Variants in DYTN observed in about 807,000 individuals in gnomAD.
The protein encoded by DYTN is dystrotelin.
Under a neutral mutation model 69.6 loss-of-function variants are expected in DYTN, and 75 were observed. The ratio of observed to expected loss-of-function variants is 1.08; its 90% CI spans 0.89 to 1.31. The LOEUF is 1.31. Among genes scored for constraint, DYTN ranks in the 50% most tolerant of loss-of-function variants. The pLI, the probability that DYTN is intolerant of heterozygous loss-of-function variation, is 0.00. For missense variants in DYTN, 726 were observed against 688.4 expected (o/e 1.05, Z -0.61); for synonymous variants, 252 against 249.1 (o/e 1.01, Z -0.11).
rs1171082525 is a variant in DYTN, at chr2:206,651,901, T to C, written c.1654A>G (p.Met552Val). ...TPSGPESSVN[M>V]DLYSGAQRVC... is the part of the protein sequence containing the mutation. ...CGCTGAGCTCCACTGTACAGGTCCA[T>C]GTTTACTGAAGACTCCGGGCCTGAA... is the stretch of plus-strand genomic sequence containing the variant. Residue 552 changes from methionine (M) to valine (V), a missense_variant, in exon 12 of 12, where the codon ATG (methionine) becomes GTG (valine). Met to Val is a conservative substitution (Grantham distance 21, BLOSUM62 1). Transcript: ENST00000452335. 1.2e-6 allele frequency: 2 copies of C among 1,613,028 alleles called. No individual in the cohort carries two copies. The highest frequency in any genetic ancestry group is 1.7e-5 in the Admixed American group (1 of 59,880).
intron 9 of DYTN, chr2:206,687,006 G>T: frequency 6.3e-6 from 1 of 158,008 alleles, no homozygotes; most frequent in African/African-American, 2.4e-5. Context: ...AACAGAGACT[G>T]CCTCATGTCA....
At chr2:206,704,555 G>A (rs1466119685) in intron 5 of DYTN, among the ~76,000 whole-genome samples, 1 of 152,188 alleles carries the variant, frequency 6.6e-6, no homozygotes, top group Non-Finnish European at 1.5e-5. Context: ...CAACTCTAGA[G>A]AGAGTAAAGT....
chr2:206,705,883 A>G lies in DYTN; in HGVS notation c.297-10T>C, dbSNP rs1351373879. The G allele has an allele frequency of 1.9e-6, 3 of 1,613,116 alleles. No individual in the cohort carries two copies. Among genetic ancestry groups the G allele is most frequent in the Non-Finnish European group, 2.5e-6 (3 of 1,179,594 alleles). ...AAAACCTGTTCCTTTGCTGCACAGT[A>G]ACAAAATACAGAGACAAGAATGGGA... On this transcript the variant is annotated splice_polypyrimidine_tract_variant and intron_variant, in intron 3 of 11. Coordinates refer to ENST00000452335, the MANE Select transcript of DYTN (RefSeq NM_001093730.1).
intron 9 of DYTN, among the ~76,000 whole-genome samples, chr2:206,691,727 A>G (rs1699865406): frequency 6.6e-6 from 1 of 152,226 alleles, no homozygotes; most frequent in East Asian, 1.9e-4. Flanking sequence ...GATAGCATCT[A>G]ATTGTGAGGT....
At position 206,704,904 on chromosome 2, in the gene DYTN, T is replaced by C. The variant is rs1335721253; in HGVS notation, c.422A>G (p.Tyr141Cys). 1 of 1,613,770 alleles carries C rather than the reference T, an allele frequency of 6.2e-7. No individual in the cohort carries two copies. Among genetic ancestry groups the C allele is most frequent in the African/African-American group, 1.3e-5 (1 of 74,934 alleles). ...QLYAENSRGGYDSGPRMTRRV... is the reference protein window; with the variant it reads ...QLYAENSRGGCDSGPRMTRRV... ...TCGAGTCATGCGTGGCCCAGAATCA[T>C]AGCCTCCCCTGCTATTTTCTGCATA... Residue 141 changes from tyrosine (Y) to cysteine (C), a missense_variant, in exon 5 of 12, where the codon TAT (tyrosine) becomes TGT (cysteine). Coordinates refer to ENST00000452335, the MANE Select transcript of DYTN (RefSeq NM_001093730.1).
At chr2:206,653,255 C>T (rs532260155) in intron 11 of DYTN, among the ~76,000 whole-genome samples, 1 of 152,300 alleles carries the variant, frequency 6.6e-6, no homozygotes, top group South Asian at 2.1e-4. Context: ...CATAATCAAT[C>T]TCACATACTG....
At chr2:206,676,363 G>C (rs990479828) in intron 9 of DYTN, among the ~76,000 whole-genome samples, 1 of 152,094 alleles carries the variant, frequency 6.6e-6, no homozygotes, top group Non-Finnish European at 1.5e-5. Flanking sequence ...TCACTCATAA[G>C]TGGGAGCTGA....
chr2:206,680,374 C>A (rs1033712477), intron 9 of DYTN, among the ~76,000 whole-genome samples: 4 of 152,272 alleles, frequency 2.6e-5, no homozygotes, highest in Middle Eastern at 3.4e-3. Flanking sequence ...AGCTACAATT[C>A]AGGATGGGAT....
chr2:206,668,418 A>G (rs188933901), intron 9 of DYTN, among the ~76,000 whole-genome samples: 11 of 152,330 alleles, frequency 7.2e-5, no homozygotes, highest in African/African-American at 2.6e-4. Flanking sequence ...TCTAGTAAAT[A>G]CAAATCACCT....
intron 9 of DYTN, among the ~76,000 whole-genome samples, chr2:206,677,852 G>T (rs150550590): frequency 3.0e-4 from 46 of 152,034 alleles, no homozygotes; most frequent in Non-Finnish European, 5.9e-4. Context: ...TTAGCTGGGC[G>T]TGATGCGGGC....
chr2:206,698,907 CA>C (rs1699947952), intron 7 of DYTN, among the ~76,000 whole-genome samples: 2 of 152,218 alleles, frequency 1.3e-5, no homozygotes, highest in Non-Finnish European at 2.9e-5. Flanking sequence ...GGCTGCAAAG[CA>C]GGGACTCCGG....
chr2:206,667,779 G>C (rs1314904652), intron 9 of DYTN, among the ~76,000 whole-genome samples: 1 of 150,804 alleles, frequency 6.6e-6, no homozygotes, highest in Non-Finnish European at 1.5e-5. Flanking sequence ...TCATATAGTA[G>C]GTTTACAACT....
rs574218799 is a variant in DYTN at position 206,676,474 on chromosome 2, C to T, written c.981-10445G>A. On this transcript the variant is annotated intron_variant, in intron 9 of 11. Transcript: ENST00000452335. Reference sequence around the variant, plus strand: ...GGAGAGCATTAGGACAAATAGTTAACGCATGCGGGGCCTAAAACCTAGATG... The same window carrying T: ...GGAGAGCATTAGGACAAATAGTTAATGCATGCGGGGCCTAAAACCTAGATG... Among the ~76,000 whole-genome samples the T allele has an allele frequency of 8.5e-5, 13 of 152,156 alleles. No homozygotes were observed. In the South Asian group the frequency reaches 1.0e-3, roughly 12 times the overall value.
chr2:206,685,177 T>TATTA (rs1311018379), intron 9 of DYTN, among the ~76,000 whole-genome samples: 1 of 148,766 alleles, frequency 6.7e-6, no homozygotes, highest in Non-Finnish European at 1.5e-5. Context: ...TTTATTTATT[T>TATTA]ATTATTTTGA....
At chr2:206,695,655 G>A (rs1282946371) in intron 7 of DYTN, among the ~76,000 whole-genome samples, 1 of 152,216 alleles carries the variant, frequency 6.6e-6, no homozygotes, top group Non-Finnish European at 1.5e-5. Context: ...GCAGTCATCA[G>A]TTAGTAACTT....
chr2:206,667,730 G>GTGTGTT (rs993061113), intron 9 of DYTN, among the ~76,000 whole-genome samples: 46 of 150,248 alleles, frequency 3.1e-4, no homozygotes, highest in African/African-American at 9.9e-4. Context: ...GTGTGTGTGT[G>GTGTGTT]TTGACATGTC....
chr2:206,695,025 G>A, intron 7 of DYTN, 148 bp from the exon 8 acceptor site: 1 of 556,738 alleles, frequency 1.8e-6, no homozygotes, highest in South Asian at 2.8e-5. Context: ...CCAAACTATA[G>A]GATTATTAAA....
rs1553571268 is a variant in DYTN at position 206,659,501 on chromosome 2, A to AAAAC, written c.1633+3401_1633+3402insGTTT. ...ACAATTCTCAAAAAAAAAAAAAAAAAAAAAAAAAAACTGGATCGGTAGGGT... is the reference window on the plus strand; with the variant it reads ...ACAATTCTCAAAAAAAAAAAAAAAAAAAACAAAAAAAAAACTGGATCGGTAGGGT... On this transcript the variant is annotated intron_variant, in intron 11 of 11. Coordinates refer to ENST00000452335, the MANE Select transcript of DYTN (RefSeq NM_001093730.1). 1.5e-3 allele frequency among the ~76,000 whole-genome samples: 219 copies of AAAAC among 150,654 alleles called. 1 individual carries two copies. Among genetic ancestry groups the AAAAC allele is most frequent in the African/African-American group, 5.2e-3 (212 of 41,010 alleles).
intron 1 of DYTN, among the ~76,000 whole-genome samples, chr2:206,717,443 G>A (rs553667256): frequency 2.0e-5 from 3 of 152,206 alleles, no homozygotes; most frequent in South Asian, 2.1e-4. Flanking sequence ...CCAGACCCAC[G>A]GAATCACAAA....
Sources: allele counts gnomAD v4.1 joint callset (sites outside exome capture counted in the v4.1 genomes callset), GRCh38; gene constraint gnomAD v4.1.1; transcripts MANE v1.5; gene names NCBI Gene and HGNC (gene_info 2026-07-23, HGNC 2026-07-21).